The following XXYLT1 variants were observed in gnomAD, a reference collection of about 807,000 sequenced individuals.
The protein encoded by XXYLT1 is UDP-xylose:alpha-xyloside alpha-1,3-xylosyltransferase.
Under a neutral mutation model 28.9 loss-of-function variants are expected in XXYLT1, and 20 were observed. The ratio of observed to expected loss-of-function variants is 0.69; its 90% CI spans 0.49 to 1.00. The LOEUF (loss-of-function observed/expected upper bound fraction) is 1.00. XXYLT1 is among the 50% of genes least tolerant of loss of function. The probability of loss-of-function intolerance (pLI) is 0.00; values close to 1 mark genes in which losing one functional copy is unlikely to be tolerated. For synonymous variants in XXYLT1, 257 were observed against 253.8 expected (o/e 1.01, Z -0.12); for missense variants, 542 against 560.1 (o/e 0.97, Z 0.33).
chr3:195,167,522 C>T (rs1023166550), intron 2 of XXYLT1, among the ~76,000 whole-genome samples: 3 of 152,106 alleles, frequency 2.0e-5, no homozygotes, highest in Non-Finnish European at 2.9e-5. Flanking sequence ...ACCCAGGAGG[C>T]GGAAGTTGCA....
intron 2 of XXYLT1, among the ~76,000 whole-genome samples, chr3:195,202,463 C>T (rs146048620): frequency 2.9e-4 from 42 of 142,806 alleles, no homozygotes; most frequent in Middle Eastern, 3.8e-3. Flanking sequence ...AATCTAAAAA[C>T]GTGTCAATCC....
chr3:195,109,627 GTGTC>G, intron 3 of XXYLT1, among the ~76,000 whole-genome samples: 1 of 136,186 alleles, frequency 7.3e-6, no homozygotes, highest in Admixed American at 7.4e-5. Context: ...AGTGTGTGTG[GTGTC>G]TGTGTGGTGT....
intron 2 of XXYLT1, among the ~76,000 whole-genome samples, chr3:195,159,533 C>T (rs1720764603): frequency 6.6e-6 from 1 of 152,204 alleles, no homozygotes; most frequent in Admixed American, 6.5e-5. Flanking sequence ...AGGCACCCAA[C>T]ACAACTAGCT....
chr3:195,143,835 TAGATATAG>T lies in XXYLT1; in HGVS notation c.785+12606_785+12613del, dbSNP rs1409323462. ...ATATAGATATAGATATATATAGATA[TAGATATAG>T]ATATATATATAGATATATATAGATA... On this transcript the variant is annotated intron_variant, in intron 3 of 3. Coordinates refer to ENST00000310380, the MANE Select transcript of XXYLT1 (RefSeq NM_152531.5). 7.5e-3 allele frequency among the ~76,000 whole-genome samples: 690 copies of T among 92,182 alleles called. 29 individuals carry two copies. Among genetic ancestry groups the T allele is most frequent in the African/African-American group, 0.025 (583 of 23,126 alleles). 60.5% of individuals were successfully genotyped at this position (92,182 alleles called of 152,430 possible).
At chr3:195,122,256 C>T (rs1718399978) in intron 3 of XXYLT1, 1 of 684,462 alleles carries the variant, frequency 1.5e-6, no homozygotes, top group Non-Finnish European at 2.7e-6. Flanking sequence ...GTTAGGATTT[C>T]AACACATGAA....
intron 2 of XXYLT1, among the ~76,000 whole-genome samples, chr3:195,224,027 A>C (rs1050156105): frequency 6.6e-6 from 1 of 152,254 alleles, no homozygotes; most frequent in South Asian, 2.1e-4. Context: ...GTGGTGGCAC[A>C]TGCCTGTAAT....
chr3:195,071,526 A>T (rs1184995617), intron 3 of XXYLT1, among the ~76,000 whole-genome samples: 1 of 152,172 alleles, frequency 6.6e-6, no homozygotes, highest in Non-Finnish European at 1.5e-5. Flanking sequence ...ACATTCTTAC[A>T]GGGGAATCCA....
chr3:195,080,813 G>A (rs1166028049), intron 3 of XXYLT1, among the ~76,000 whole-genome samples: 1 of 152,220 alleles, frequency 6.6e-6, no homozygotes, highest in East Asian at 1.9e-4. Context: ...CTCATGGGAG[G>A]GGGTGTTCCA....
chr3:195,239,513 TG>T (rs1470886218), intron 1 of XXYLT1, among the ~76,000 whole-genome samples: 1 of 152,142 alleles, frequency 6.6e-6, no homozygotes, highest in African/African-American at 2.4e-5. Flanking sequence ...AATTAGCCAA[TG>T]AGAAGACACA....
At chr3:195,247,387 A>T (rs1255749726) in intron 1 of XXYLT1, among the ~76,000 whole-genome samples, 3 of 152,204 alleles carry the variant, frequency 2.0e-5, no homozygotes, top group Non-Finnish European at 4.4e-5. Flanking sequence ...CCTCCAAAGA[A>T]CACTGCAGTT....
chr3:195,195,075 TGG>T lies in XXYLT1; in HGVS notation c.652+31632_652+31633del, dbSNP rs72162632. Among the ~76,000 whole-genome samples the T allele has an allele frequency of 1.3e-5, 2 of 151,432 alleles. No individual in the cohort carries two copies. The highest frequency in any genetic ancestry group is 4.2e-4 in the South Asian group (2 of 4,756). Reference sequence around the variant, plus strand: ...GGTATAAACTGTACCTCAACAAAGCTGGGTTTTTTTTTTAAAAGGACAATGTA... The same window carrying T: ...GGTATAAACTGTACCTCAACAAAGCTGTTTTTTTTTTAAAAGGACAATGTA... On this transcript the variant is annotated intron_variant, in intron 2 of 3. Coordinates refer to ENST00000310380, the MANE Select transcript of XXYLT1 (RefSeq NM_152531.5). This position sits in a 1 kb window ranked among gnomAD's most constrained non-coding sequence, Gnocchi z 4.4.
chr3:195,080,151 G>A (rs1715349433), intron 3 of XXYLT1, among the ~76,000 whole-genome samples: 1 of 152,154 alleles, frequency 6.6e-6, no homozygotes, highest in Non-Finnish European at 1.5e-5. Flanking sequence ...GGGAAGTGAA[G>A]ACAGAGAAGG....
chr3:195,224,610 C>A (rs1367396063), intron 2 of XXYLT1, among the ~76,000 whole-genome samples: 6 of 152,212 alleles, frequency 3.9e-5, no homozygotes, highest in Admixed American at 3.9e-4. Context: ...GCTGGGTACT[C>A]CACAGCATAA....
intron 2 of XXYLT1, chr3:195,184,919 G>A (rs11707131): frequency 0.016 from 12,201 of 746,582 alleles, 133 homozygotes; most frequent in Non-Finnish European, 0.019. Flanking sequence ...TTTCAGTTTC[G>A]TTTGATCAAA....
At chr3:195,148,308 C>T (rs1311806837) in intron 3 of XXYLT1, among the ~76,000 whole-genome samples, 1 of 152,166 alleles carries the variant, frequency 6.6e-6, no homozygotes, top group Non-Finnish European at 1.5e-5. Flanking sequence ...CCAGGTCACA[C>T]GGGCTACACA....
chr3:195,271,136 G>C lies in XXYLT1; in HGVS notation c.-78C>G, dbSNP rs1577216549. The C allele has an allele frequency of 2.4e-6, 3 of 1,260,526 alleles. No individual in the cohort carries two copies. In the Admixed American group the frequency reaches 1.3e-4, roughly 54 times the overall value. 78.1% of individuals were successfully genotyped at this position (1,260,526 alleles called of 1,614,324 possible). A position where few individuals can be genotyped will look rare whatever the true frequency, so the allele number is the denominator to read the frequency against. On this transcript the variant is annotated 5_prime_UTR_variant, in exon 1 of 4. Coordinates refer to ENST00000310380, the MANE Select transcript of XXYLT1 (RefSeq NM_152531.5). ...GTACCCGGACGCCGGCGGCCACTTA[G>C]CCCCGGCGCCAGGCGGCGGCCATGA...
At chr3:195,148,542 C>T (rs987145052) in intron 3 of XXYLT1, among the ~76,000 whole-genome samples, 1 of 152,082 alleles carries the variant, frequency 6.6e-6, no homozygotes, top group Non-Finnish European at 1.5e-5. Context: ...TCAAGTCCTA[C>T]ATTTATGCAT....
At chr3:195,206,676 G>C (rs1236234964) in intron 2 of XXYLT1, among the ~76,000 whole-genome samples, 1 of 151,938 alleles carries the variant, frequency 6.6e-6, no homozygotes, top group Non-Finnish European at 1.5e-5. Context: ...GGCTGAGGCA[G>C]GAGAGTCACT....
chr3:195,148,917 A>G (rs1720027183), intron 3 of XXYLT1, among the ~76,000 whole-genome samples: 1 of 152,228 alleles, frequency 6.6e-6, no homozygotes, highest in Non-Finnish European at 1.5e-5. Context: ...ATTCGTTTCA[A>G]AATAATCAGG....
Sources: gnomAD v4.1 joint callset for allele counts (sites outside exome capture counted in the v4.1 genomes callset) on GRCh38, gnomAD v4.1.1 for gene constraint, Gnocchi (gnomAD v3.1) non-coding constraint, MANE v1.5 for transcripts, NCBI Gene and HGNC (gene_info 2026-07-23, HGNC 2026-07-21) for gene names.